The following TMEM117 variants were observed in gnomAD, a reference collection of about 807,000 sequenced individuals.
TMEM117 encodes the protein transmembrane protein 117.
In TMEM117, 27 loss-of-function variants were observed where a neutral mutation model predicts 52.4. The ratio of observed to expected loss-of-function variants is 0.51; its 90% confidence interval spans 0.38 to 0.71. The LOEUF (loss-of-function observed/expected upper bound fraction) is 0.71, where lower values mean the gene tolerates loss of function less well. TMEM117 is among the 30% of genes least tolerant of loss of function. The probability of loss-of-function intolerance (pLI) is 0.00; values close to 1 mark genes in which losing one functional copy is unlikely to be tolerated. For synonymous variants in TMEM117, 215 were observed against 206.3 expected (o/e 1.04, Z -0.36); for missense variants, 556 against 630.5 (o/e 0.88, Z 1.26).
chr12:44,096,568 C>T (rs1242651722), intron 3 of TMEM117, among the ~76,000 whole-genome samples: 1 of 151,666 alleles, frequency 6.6e-6, no homozygotes, highest in Non-Finnish European at 1.5e-5. Context: ...CGCATATCTA[C>T]AACTATCTGA....
At chr12:44,193,949 A>T (rs1468323658) in intron 4 of TMEM117, among the ~76,000 whole-genome samples, 10 of 152,214 alleles carry the variant, frequency 6.6e-5, no homozygotes, top group Non-Finnish European at 1.3e-4. Context: ...AACAAGTGTC[A>T]TGAGAAACAG....
chr12:43,952,846 A>G (rs907821612), intron 3 of TMEM117, among the ~76,000 whole-genome samples: 3 of 152,128 alleles, frequency 2.0e-5, no homozygotes. Flanking sequence ...TAATCACCAG[A>G]TTCTCCAGAG....
At chr12:44,287,515 C>T (rs1950652785) in intron 5 of TMEM117, among the ~76,000 whole-genome samples, 1 of 152,194 alleles carries the variant, frequency 6.6e-6, no homozygotes, top group South Asian at 2.1e-4. Flanking sequence ...GTTCCATTTT[C>T]ACTGCCATGA....
chr12:43,829,417 C>T, the TMEM117 span, among the ~76,000 whole-genome samples: 1 of 152,154 alleles, frequency 6.6e-6, no homozygotes, highest in East Asian at 1.9e-4. Context: ...TTTTCAAGTG[C>T]TTGATAGACT....
At chr12:43,860,805 A>G (rs1943475770) in intron 2 of TMEM117, among the ~76,000 whole-genome samples, 1 of 152,252 alleles carries the variant, frequency 6.6e-6, no homozygotes, top group Non-Finnish European at 1.5e-5. Flanking sequence ...GGGAGACACC[A>G]ATAAACATAT....
chr12:44,296,852 G>A (rs1243432423), intron 5 of TMEM117, among the ~76,000 whole-genome samples: 1 of 152,304 alleles, frequency 6.6e-6, no homozygotes, highest in East Asian at 1.9e-4. Context: ...GATGATTCTG[G>A]TGGCAGGACA....
intron 3 of TMEM117, among the ~76,000 whole-genome samples, chr12:43,962,474 C>T (rs1945418770): frequency 6.6e-6 from 1 of 152,040 alleles, no homozygotes; most frequent in African/African-American, 2.4e-5. Context: ...AAATTAATAT[C>T]CTTATTTAAT....
At chr12:44,235,836 T>C (rs12299937) in intron 5 of TMEM117, among the ~76,000 whole-genome samples, 40,597 of 151,734 alleles carry the variant, frequency 0.27, 9,976 homozygotes, top group African/African-American at 0.66. Flanking sequence ...TAGTCTGTAT[T>C]TGGGAATTCT....
Position 44,123,144 on chromosome 12 carries a change from C to T in TMEM117, c.411-20381C>T, listed in dbSNP as rs941336951. 9.2e-5 allele frequency among the ~76,000 whole-genome samples: 14 copies of T among 152,168 alleles called. No individual in the cohort carries two copies. The South Asian group carries it at 2.1e-3, about 23-fold the overall frequency. ...AGTATCTCATTGTGGTTTTGATTTG[C>T]ATTTCTCTAATAATCGTTGTTGAGC... On this transcript the variant is annotated intron_variant, in intron 3 of 7. Coordinates refer to ENST00000266534, the MANE Select transcript of TMEM117 (RefSeq NM_032256.3).
intron 3 of TMEM117, among the ~76,000 whole-genome samples, chr12:44,092,993 A>T (rs1947699605): frequency 6.6e-6 from 1 of 152,170 alleles, no homozygotes; most frequent in African/African-American, 2.4e-5. Flanking sequence ...CCCTTGAAGC[A>T]GTGACATTTA....
At chr12:43,953,859 T>G (rs966563497) in intron 3 of TMEM117, among the ~76,000 whole-genome samples, 2 of 152,168 alleles carry the variant, frequency 1.3e-5, no homozygotes, top group African/African-American at 4.8e-5. Flanking sequence ...CATTTTTGTT[T>G]TAGCACCACA....
At chr12:44,151,952 ATATAT>A (rs551759754) in intron 4 of TMEM117, among the ~76,000 whole-genome samples, 1,264 of 125,230 alleles carry the variant, frequency 0.01, 9 homozygotes, top group African/African-American at 0.016. Context: ...ATATTACATA[ATATAT>A]TATATAAATA....
In TMEM117 at chr12:44,354,881, A is replaced by G. The variant is rs148192937; in HGVS notation, c.769-21714A>G. 6.9e-3 allele frequency among the ~76,000 whole-genome samples: 1,047 copies of G among 152,226 alleles called. 9 individuals are homozygous for G. The highest frequency in any genetic ancestry group is 0.024 in the African/African-American group (998 of 41,550). ...AAACAATTTTTAGTAGTGTTAAACT[A>G]TAAAGACATTAGTCACAGGAAGAAA... On this transcript the variant is annotated intron_variant, in intron 6 of 7. Coordinates refer to ENST00000266534, the MANE Select transcript of TMEM117 (RefSeq NM_032256.3).
At chr12:44,193,678 AT>A (rs1280167741) in intron 4 of TMEM117, among the ~76,000 whole-genome samples, 4 of 152,234 alleles carry the variant, frequency 2.6e-5, no homozygotes, top group African/African-American at 9.6e-5. Flanking sequence ...AGAGGAAAAC[AT>A]AAAGTATCCC....
intron 6 of TMEM117, among the ~76,000 whole-genome samples, chr12:44,354,230 A>G (rs953319948): frequency 2.6e-5 from 4 of 152,112 alleles, no homozygotes; most frequent in African/African-American, 7.2e-5. Context: ...CAATCATGTC[A>G]TCTGCAAACA....
intron 6 of TMEM117, among the ~76,000 whole-genome samples, chr12:44,372,387 C>G (rs968825107): frequency 6.6e-6 from 1 of 151,994 alleles, no homozygotes; most frequent in Non-Finnish European, 1.5e-5. Context: ...TCTATACAAT[C>G]TGTATATAAA....
chr12:43,995,590 G>T (rs1946016322), intron 3 of TMEM117, among the ~76,000 whole-genome samples: 1 of 152,158 alleles, frequency 6.6e-6, no homozygotes, highest in Non-Finnish European at 1.5e-5. Flanking sequence ...GCATGGAAAA[G>T]TTCTTAGTGG....
the TMEM117 span, among the ~76,000 whole-genome samples, chr12:43,801,029 G>A: frequency 6.6e-6 from 1 of 152,092 alleles, no homozygotes; most frequent in African/African-American, 2.4e-5. Context: ...AGGGATTACA[G>A]GCATGAGCCA....
chr12:43,941,081 A>G (rs1945037411), intron 2 of TMEM117, among the ~76,000 whole-genome samples: 1 of 152,082 alleles, frequency 6.6e-6, no homozygotes. Flanking sequence ...GTATTTTCTA[A>G]TTTCTTTGAC....
Sources: allele counts gnomAD v4.1 joint callset (sites outside exome capture counted in the v4.1 genomes callset), GRCh38; gene constraint gnomAD v4.1.1; transcripts MANE v1.5; gene names NCBI Gene and HGNC (gene_info 2026-07-23, HGNC 2026-07-21).